RASSF3: variants seen among roughly 807,000 people sequenced by gnomAD.
RASSF3 encodes the protein Ras association domain family member 3.
In RASSF3, 19 loss-of-function variants were observed where a neutral mutation model predicts 19.9. The ratio of observed to expected loss-of-function variants is 0.96; its 90% CI spans 0.67 to 1.40. RASSF3 has a LOEUF of 1.40. Ranked by LOEUF, RASSF3 falls within the 40% of genes most tolerant of loss-of-function variation. The pLI is 0.00. For missense variants in RASSF3, 306 were observed against 289.8 expected (o/e 1.06, Z -0.41); for synonymous variants, 110 against 104.2 (o/e 1.06, Z -0.34).
upstream of RASSF3, among the ~76,000 whole-genome samples, chr12:64,530,307 A>AC (rs1868679831): frequency 2.9e-5 from 3 of 103,602 alleles, no homozygotes; most frequent in East Asian, 3.9e-3. Context: ...AGTGCACAAC[A>AC]ATTTTTTTTT....
In RASSF3 at chr12:64,696,085, TCCTCCCTCCCTCCCTCCCTCCCTCCCTC is replaced by T; in HGVS notation, c.*1183_*1210del. On this transcript the variant is annotated 3_prime_UTR_variant, in exon 5 of 5. Transcript: ENST00000542104. Reference sequence around the variant, plus strand: ...TGTCTCCCACCCTACCTTGTTCTTTTCCTCCCTCCCTCCCTCCCTCCCTCCCTCCCTCCCTCCTTCCCTCCCTCTCTCT... The same window carrying T: ...TGTCTCCCACCCTACCTTGTTCTTTTCCTCCCTCCTTCCCTCCCTCTCTCT... The T allele has an allele frequency of 3.2e-5, 1 of 31,736 alleles. No homozygotes were observed. Among genetic ancestry groups the T allele is most frequent in the Non-Finnish European group, 7.3e-5 (1 of 13,640 alleles). The allele number at this position is 31,736 out of a possible 1,614,324, so 2.0% of individuals were successfully genotyped here.
chr12:64,638,841 A>G (rs1285711975), intron 1 of RASSF3, among the ~76,000 whole-genome samples: 2 of 151,984 alleles, frequency 1.3e-5, no homozygotes, highest in African/African-American at 2.4e-5. Context: ...CTTTTGTTCT[A>G]GTTCCTTCTT....
chr12:64,638,579 C>CA (rs544521268), intron 1 of RASSF3, among the ~76,000 whole-genome samples: 39,137 of 111,316 alleles, frequency 0.35, 5,991 homozygotes, highest in Non-Finnish European at 0.41. Context: ...GACTCCGTCT[C>CA]AAAAAAAAAA....
intron 1 of RASSF3, among the ~76,000 whole-genome samples, chr12:64,682,797 G>A (rs1873187302): frequency 2.0e-5 from 3 of 152,224 alleles, no homozygotes; most frequent in Admixed American, 1.3e-4. Context: ...TGAGAATGAT[G>A]TGATGTGTCT....
At chr12:64,676,467 C>CTTTTTTTTTTT (rs34917109) in intron 1 of RASSF3, among the ~76,000 whole-genome samples, 1 of 69,772 alleles carries the variant, frequency 1.4e-5, no homozygotes, top group Admixed American at 1.9e-4. Flanking sequence ...CTGTGCCCAG[C>CTTTTTTTTTTT]TTTTTTTTTT....
chr12:64,682,004 C>T (rs1173712628), intron 1 of RASSF3, among the ~76,000 whole-genome samples: 1 of 152,198 alleles, frequency 6.6e-6, no homozygotes, highest in African/African-American at 2.4e-5. Context: ...GACCCTGTCT[C>T]AGACAAAACA....
chr12:64,516,380 G>A (rs768153837), intron 1 of RASSF3, among the ~76,000 whole-genome samples: 4 of 152,130 alleles, frequency 2.6e-5, no homozygotes, highest in Non-Finnish European at 5.9e-5. Context: ...AGCACTTTGG[G>A]AGGCCGAGGC....
intron 1 of RASSF3, among the ~76,000 whole-genome samples, chr12:64,636,283 T>C (rs1422847258): frequency 6.6e-6 from 1 of 151,916 alleles, no homozygotes; most frequent in African/African-American, 2.4e-5. Flanking sequence ...CCTGGCTAAT[T>C]TTTATATTTT....
At chr12:64,679,709 G>T (rs539680327) in intron 1 of RASSF3, among the ~76,000 whole-genome samples, 2 of 152,312 alleles carry the variant, frequency 1.3e-5, no homozygotes, top group African/African-American at 2.4e-5. Flanking sequence ...GGGCTTGCTG[G>T]CTGGAAACAA....
At chr12:64,577,060 G>C (rs1021653746) in intron 2 of RASSF3, among the ~76,000 whole-genome samples, 19 of 152,106 alleles carry the variant, frequency 1.2e-4, no homozygotes, top group Non-Finnish European at 2.8e-4. Context: ...TCCCAAAATT[G>C]TTGCATAGTC....
intron 1 of RASSF3, among the ~76,000 whole-genome samples, chr12:64,676,467 CTTTTTTTTTTT>C: frequency 1.4e-5 from 1 of 69,784 alleles, no homozygotes; most frequent in East Asian, 3.9e-4. Flanking sequence ...CTGTGCCCAG[CTTTTTTTTTTT>C]TTTTTTTTTT....
chr12:64,559,172 C>T (rs927709013), intron 2 of RASSF3, among the ~76,000 whole-genome samples: 3 of 152,094 alleles, frequency 2.0e-5, no homozygotes, highest in Non-Finnish European at 4.4e-5. Context: ...TGGTGCCCCT[C>T]TCAAGTCCTG....
At chr12:64,651,451 C>T (rs1592445211) in intron 1 of RASSF3, among the ~76,000 whole-genome samples, 2 of 152,172 alleles carry the variant, frequency 1.3e-5, no homozygotes, top group East Asian at 1.9e-4. Flanking sequence ...CTCCAACCTC[C>T]CGGGTTCAAG....
intron 2 of RASSF3, among the ~76,000 whole-genome samples, chr12:64,557,908 T>A (rs1226103270): frequency 1.3e-5 from 2 of 152,154 alleles, no homozygotes; most frequent in Non-Finnish European, 2.9e-5. Context: ...CCTGGTCAGA[T>A]GCTACGTCAT....
intron 3 of RASSF3, among the ~76,000 whole-genome samples, chr12:64,688,920 G>T (rs751887140): frequency 6.6e-6 from 1 of 152,168 alleles, no homozygotes; most frequent in African/African-American, 2.4e-5. Context: ...ACATTTCAGC[G>T]TACTGATGGA....
rs1206878633 is a variant in RASSF3, at chr12:64,668,679, G to GA, written c.112-16107dup. On this transcript the variant is annotated intron_variant, in intron 1 of 4. Transcript: ENST00000542104. ...CTTGGATGTTGACTGTTTTAATTTT[G>GA]ATTTTTTTTTTTTTTTTTTTGAAAC... 2.4e-5 allele frequency among the ~76,000 whole-genome samples: 3 copies of GA among 123,856 alleles called. No individual in the cohort carries two copies. The East Asian group carries it at 7.6e-4, about 32-fold the overall frequency. The allele number at this position is 123,856 out of a possible 152,430, so 81.3% of individuals were successfully genotyped here. A position where few individuals can be genotyped will look rare whatever the true frequency, so the allele number is the denominator to read the frequency against.
At chr12:64,625,149 C>G (rs1440367448) in intron 1 of RASSF3, among the ~76,000 whole-genome samples, 3 of 152,052 alleles carry the variant, frequency 2.0e-5, no homozygotes, top group Admixed American at 6.6e-5. Flanking sequence ...CTTTATTAAC[C>G]AAAATGAATT....
intron 1 of RASSF3, among the ~76,000 whole-genome samples, chr12:64,655,872 T>C: frequency 6.6e-6 from 1 of 151,488 alleles, no homozygotes; most frequent in Non-Finnish European, 1.5e-5. Context: ...ACTAAAAATA[T>C]GAAAATTAGC....
intron 1 of RASSF3, among the ~76,000 whole-genome samples, chr12:64,613,957 A>G (rs1280051379): frequency 2.0e-5 from 3 of 152,002 alleles, no homozygotes; most frequent in South Asian, 2.1e-4. Context: ...CAAAAACAAA[A>G]CTGTCTAAAA....
Sources: gnomAD v4.1 joint callset for allele counts (sites outside exome capture counted in the v4.1 genomes callset) on GRCh38, gnomAD v4.1.1 for gene constraint, MANE v1.5 for transcripts, NCBI Gene and HGNC (gene_info 2026-07-23, HGNC 2026-07-21) for gene names.